The following COG5 variants were observed in gnomAD, a reference collection of about 807,000 sequenced individuals.
COG5 encodes the protein component of oligomeric golgi complex 5.
COG5 carries 86 observed loss-of-function variants against 110.4 expected under a neutral mutation model. The ratio of observed to expected loss-of-function variants is 0.78; its 90% CI spans 0.65 to 0.93. The LOEUF is 0.93. COG5 is among the 40% of genes least tolerant of loss of function. The probability of loss-of-function intolerance (pLI) is 0.00; values close to 1 mark genes in which losing one functional copy is unlikely to be tolerated. For synonymous variants in COG5, 360 were observed against 334.6 expected (o/e 1.08, Z -0.83); for missense variants, 1,077 against 987.0 (o/e 1.09, Z -1.22).
chr7:107,535,275 C>T (rs1400016186), intron 5 of COG5, among the ~76,000 whole-genome samples: 1 of 151,326 alleles, frequency 6.6e-6, no homozygotes, highest in Non-Finnish European at 1.5e-5. Flanking sequence ...GAAGCAAGAG[C>T]AAACAAATGC....
intron 7 of COG5, among the ~76,000 whole-genome samples, chr7:107,383,626 A>C (rs1315431595): frequency 6.6e-6 from 1 of 152,096 alleles, no homozygotes; most frequent in Non-Finnish European, 1.5e-5. Flanking sequence ...AGAGGGAAAG[A>C]GGACACTCTT....
chr7:107,395,072 T>C (rs1049723264), intron 7 of COG5, among the ~76,000 whole-genome samples: 1 of 152,140 alleles, frequency 6.6e-6, no homozygotes, highest in Non-Finnish European at 1.5e-5. Context: ...CTTAGTTGAG[T>C]CCAACTGATT....
At chr7:107,530,612 A>AAC (rs1554457870) in intron 5 of COG5, among the ~76,000 whole-genome samples, 1 of 150,966 alleles carries the variant, frequency 6.6e-6, no homozygotes, top group African/African-American at 2.4e-5. Context: ...AAAAAAAAAA[A>AAC]AAAAAAAAAA....
In COG5 at chr7:107,429,518, C is replaced by T. The variant is rs143722151; in HGVS notation, c.539-16886G>A. Reference sequence around the variant, plus strand: ...TGTTGCCAAGGCTGATCTCCAACTCCTGGAGCTCAAGCAGTCCTACTGTTT... The same window carrying T: ...TGTTGCCAAGGCTGATCTCCAACTCTTGGAGCTCAAGCAGTCCTACTGTTT... On this transcript the variant is annotated intron_variant, in intron 6 of 21. Transcript: ENST00000297135. 4.4e-3 allele frequency among the ~76,000 whole-genome samples: 675 copies of T among 151,850 alleles called. 9 individuals are homozygous for T. The highest frequency in any genetic ancestry group is 0.015 in the African/African-American group (639 of 41,402).
Position 107,563,920 on chromosome 7 carries a change from C to A in COG5, c.-24G>T, listed in dbSNP as rs1384523197. 3 of 1,612,944 alleles carry A rather than the reference C, an allele frequency of 1.9e-6. No homozygotes were observed. Among genetic ancestry groups the A allele is most frequent in the Non-Finnish European group, 1.7e-6 (2 of 1,179,840 alleles). ...ATGTTGGCAGGTGCCGGGTTGATGT[C>A]GTCAGCAGCAGAACGGCTCCGCCCA... On this transcript the variant is annotated 5_prime_UTR_variant, in exon 1 of 22. Transcript: ENST00000297135.
In COG5 at chr7:107,283,640, AC is replaced by A; in HGVS notation, c.1405del (p.Val469PhefsTer22). The A allele has an allele frequency of 6.2e-7, 1 of 1,614,016 alleles. No homozygotes were observed. Among genetic ancestry groups the A allele is most frequent in the African/African-American group, 1.3e-5 (1 of 75,044 alleles). On this transcript the variant is annotated frameshift_variant, in exon 13 of 22. Transcript: ENST00000297135. LOFTEE classifies it high-confidence loss of function. ...LSRLFDPINL[V>X]FPPGGRNPPS... ...AGGATTACGACCACCCGGGGGAAAA[AC>A]CAAGTTGATAGGATCGAAGAGTCGA...
At chr7:107,250,752 G>C (rs371333992) in intron 16 of COG5, among the ~76,000 whole-genome samples, 7 of 152,222 alleles carry the variant, frequency 4.6e-5, no homozygotes, top group Non-Finnish European at 5.9e-5. Context: ...AAATTGACGG[G>C]ATAGGCTTCG....
chr7:107,411,133 T>C (rs547506216), intron 7 of COG5, among the ~76,000 whole-genome samples: 2 of 152,166 alleles, frequency 1.3e-5, no homozygotes, highest in African/African-American at 2.4e-5. Flanking sequence ...CAATATGTTA[T>C]AGAAAATAAA....
At chr7:107,461,104 T>A (rs923401327) in intron 6 of COG5, among the ~76,000 whole-genome samples, 4 of 152,096 alleles carry the variant, frequency 2.6e-5, no homozygotes, top group African/African-American at 9.7e-5. Flanking sequence ...AGTCCAGCAT[T>A]GTCCTGATTC....
At chr7:107,275,990 A>G (rs761457500) in intron 14 of COG5, among the ~76,000 whole-genome samples, 3 of 152,190 alleles carry the variant, frequency 2.0e-5, no homozygotes, top group Non-Finnish European at 4.4e-5. Flanking sequence ...AAGCCTTAAA[A>G]TAAAACCTTA....
In COG5 at chr7:107,299,826, CATATATATATATAT is replaced by C. The variant is rs71856513; in HGVS notation, c.1109-1494_1109-1481del. ...ATCTATGTCAGAAATTCATAGTTGGCATATATATATATATATATATATATATATATATCTGGAAT... is the reference window on the plus strand; with the variant it reads ...ATCTATGTCAGAAATTCATAGTTGGCATATATATATATATATATCTGGAAT... On this transcript the variant is annotated intron_variant, in intron 11 of 21. Transcript: ENST00000297135. Among the ~76,000 whole-genome samples the C allele has an allele frequency of 2.0e-4, 21 of 103,192 alleles. No homozygotes were observed. The East Asian group carries it at 2.1e-3, about 10-fold the overall frequency. 67.7% of individuals were successfully genotyped at this position (103,192 alleles called of 152,430 possible). A position where few individuals can be genotyped will look rare whatever the true frequency, so the allele number is the denominator to read the frequency against.
At chr7:107,282,780 T>C (rs564073773) in intron 13 of COG5, among the ~76,000 whole-genome samples, 1 of 152,336 alleles carries the variant, frequency 6.6e-6, no homozygotes, top group East Asian at 1.9e-4. Flanking sequence ...CCCAAAGTGC[T>C]GGGATTACAG....
intron 6 of COG5, among the ~76,000 whole-genome samples, chr7:107,499,986 T>C (rs1563068345): frequency 1.3e-5 from 2 of 152,102 alleles, no homozygotes. Context: ...TGATCTATCA[T>C]GATTTAAGCA....
intron 10 of COG5, among the ~76,000 whole-genome samples, chr7:107,339,515 C>G (rs982190049): frequency 6.6e-6 from 1 of 152,020 alleles, no homozygotes; most frequent in Non-Finnish European, 1.5e-5. Context: ...CAGCACTTAA[C>G]TAACTGGACC....
intron 7 of COG5, among the ~76,000 whole-genome samples, chr7:107,380,503 T>C (rs558249860): frequency 5.9e-5 from 9 of 152,166 alleles, no homozygotes; most frequent in African/African-American, 1.7e-4. Flanking sequence ...CCCACAGAAA[T>C]ATAAACTACC....
chr7:107,368,095 T>C (rs2129048507), intron 8 of COG5, among the ~76,000 whole-genome samples: 1 of 152,156 alleles, frequency 6.6e-6, no homozygotes, highest in South Asian at 2.1e-4. Flanking sequence ...TATGCCTATT[T>C]CCCACATTTA....
At chr7:107,479,344 T>C (rs1797179338) in intron 6 of COG5, among the ~76,000 whole-genome samples, 1 of 152,032 alleles carries the variant, frequency 6.6e-6, no homozygotes, top group Non-Finnish European at 1.5e-5. Context: ...AGAAGAGGTA[T>C]CTGAGCAGGG....
intron 5 of COG5, among the ~76,000 whole-genome samples, chr7:107,547,167 T>C (rs2129172375): frequency 6.6e-6 from 1 of 152,298 alleles, no homozygotes; most frequent in Non-Finnish European, 1.5e-5. Context: ...ATTAGAAGAA[T>C]CATTCACCAT....
chr7:107,510,721 G>A (rs1428194851), intron 6 of COG5, among the ~76,000 whole-genome samples: 1 of 152,154 alleles, frequency 6.6e-6, no homozygotes, highest in Non-Finnish European at 1.5e-5. Flanking sequence ...AATCAAACTA[G>A]AACTCAGGAT....
Sources: gnomAD v4.1 joint callset for allele counts (sites outside exome capture counted in the v4.1 genomes callset) on GRCh38, gnomAD v4.1.1 for gene constraint, MANE v1.5 for transcripts, NCBI Gene and HGNC (gene_info 2026-07-23, HGNC 2026-07-21) for gene names.